KIAA1614: variants seen among roughly 807,000 people sequenced by gnomAD.
KIAA1614 encodes KIAA1614, also known as uncharacterized protein KIAA1614.
A neutral mutation model predicts 88.7 loss-of-function variants in KIAA1614; 76 were observed. The ratio of observed to expected loss-of-function variants is 0.86; its 90% CI spans 0.71 to 1.04. KIAA1614 has a LOEUF of 1.04. Among genes scored for constraint, KIAA1614 ranks in the 50% least tolerant of loss-of-function variants. The pLI, the probability that KIAA1614 is intolerant of heterozygous loss-of-function variation, is 0.00. For synonymous variants in KIAA1614, 714 were observed against 675.5 expected, an observed-to-expected ratio of 1.06 and a Z score of -0.88; for missense variants, 1,553 against 1,582.5, an observed-to-expected ratio of 0.98 and a Z score of 0.32.
At chr1:180,930,475 G>A (rs1284232257) in intron 4 of KIAA1614, among the ~76,000 whole-genome samples, 4 of 152,056 alleles carry the variant, frequency 2.6e-5, no homozygotes, top group Non-Finnish European at 4.4e-5. Flanking sequence ...TCTTCTTCAC[G>A]TATATAAATA....
rs765893092 is a variant in KIAA1614 at position 180,916,530 on chromosome 1, C to T, written c.427C>T (p.Arg143Cys). ...CCTGCCAGGTGCTGTGGTGGCTCCT[C>T]GTACCCAAAACCTGCCTGATGGGCA... is the stretch of plus-strand genomic sequence containing the variant. The part of the protein sequence containing the change: ...SFLPGAVVAP[R>C]TQNLPDGQLD... The change falls in exon 2 of 9, where the codon CGT (arginine) becomes TGT (cysteine). Residue 143 changes from arginine (R) to cysteine (C), a missense_variant. Transcript: ENST00000367588. The T allele has an allele frequency of 4.5e-5, 72 of 1,613,656 alleles. No individual in the cohort carries two copies. The highest frequency in any genetic ancestry group is 1.2e-4 in the South Asian group (11 of 91,082).
chr1:180,945,553 TGGCTGTGGTCAGA>T lies in KIAA1614; in HGVS notation c.3543_3555del (p.Trp1182PhefsTer17). On this transcript the variant is annotated frameshift_variant, in exon 9 of 9. Coordinates refer to ENST00000367588, the MANE Select transcript of KIAA1614 (RefSeq NM_020950.2). LOFTEE classifies it high-confidence loss of function. ...CCTTAGCAAACAAGGCAGGGCCTTC[TGGCTGTGGTCAGA>T]GGCTTTTCTGGTCTTTGGCTGAGCC... The T allele has an allele frequency of 6.2e-7, 1 of 1,613,484 alleles. No homozygotes were observed. Among genetic ancestry groups the T allele is most frequent in the Admixed American group, 1.7e-5 (1 of 59,932 alleles).
intron 6 of KIAA1614, 91 bp downstream of exon 6, chr1:180,938,802 C>T (rs1368961907): frequency 2.8e-5 from 34 of 1,210,384 alleles, no homozygotes; most frequent in Non-Finnish European, 3.4e-5. Flanking sequence ...GGTGGCATGA[C>T]CCACCTCCCT....
At chr1:180,941,006 G>GGCGCCC in intron 6 of KIAA1614, 39 bp from the exon 7 acceptor site, 1 of 908,444 alleles carries the variant, frequency 1.1e-6, no homozygotes, top group Non-Finnish European at 1.5e-6. Flanking sequence ...CACCCTCCCG[G>GGCGCCC]CCCTCCCCCG....
intron 3 of KIAA1614, among the ~76,000 whole-genome samples, chr1:180,922,620 G>C (rs1440288199): frequency 6.6e-6 from 1 of 152,170 alleles, no homozygotes; most frequent in Non-Finnish European, 1.5e-5. Flanking sequence ...GGCTTTTAAA[G>C]CTTAATATGT....
intron 3 of KIAA1614, among the ~76,000 whole-genome samples, chr1:180,922,283 C>T (rs1285469396): frequency 6.6e-6 from 1 of 152,174 alleles, no homozygotes; most frequent in Non-Finnish European, 1.5e-5. Flanking sequence ...ATGAGGGAAG[C>T]GCAGGGAACA....
At position 180,936,219 on chromosome 1, in the gene KIAA1614, C is replaced by T. The variant is rs775832303; in HGVS notation, c.2310C>T (p.His770=). 4.7e-5 allele frequency: 76 copies of T among 1,614,054 alleles called. No individual in the cohort carries two copies. Among genetic ancestry groups the T allele is most frequent in the Non-Finnish European group, 5.8e-5 (69 of 1,180,028 alleles). The change falls in exon 5 of 9, where the codon CAC becomes CAT. Residue 770 remains histidine (H), a synonymous_variant. Coordinates refer to ENST00000367588, the MANE Select transcript of KIAA1614 (RefSeq NM_020950.2). ...GCCAGGCCCAGGTTACAGAAAGCCA[C>T]GAGTCCCTGGAAATTGTCTCTCCTT... ...PGGQAQVTES[H]ESLEIVSPSS...
chr1:180,939,588 T>C (rs1230677763), intron 6 of KIAA1614, among the ~76,000 whole-genome samples: 1 of 152,174 alleles, frequency 6.6e-6, no homozygotes, highest in African/African-American at 2.4e-5. Flanking sequence ...CATGGCTTCT[T>C]TGCTATACAA....
intron 3 of KIAA1614, among the ~76,000 whole-genome samples, chr1:180,923,253 C>CGGAGGTTA (rs1653992563): frequency 2.0e-5 from 3 of 152,042 alleles, no homozygotes; most frequent in Admixed American, 2.0e-4. Context: ...TCTCCCCTGA[C>CGGAGGTTA]GGAGGTTAGG....
In KIAA1614 at chr1:180,936,474, T is replaced by C. The variant is rs1206433971; in HGVS notation, c.2565T>C (p.Cys855=). 1 of 1,613,922 alleles carries C rather than the reference T, an allele frequency of 6.2e-7. No individual in the cohort carries two copies. Among genetic ancestry groups the C allele is most frequent in the East Asian group, 2.2e-5 (1 of 44,874 alleles). Reference sequence around the variant, plus strand: ...CAAGAAGCGCGGTTCTCAGGACCTGTGAGCTGCCCCCATCACAGACCCAGC... The same window carrying C: ...CAAGAAGCGCGGTTCTCAGGACCTGCGAGCTGCCCCCATCACAGACCCAGC... ...PPSRSAVLRT[C]ELPPSQTQPS... The change falls in exon 5 of 9, where the codon TGT becomes TGC. Residue 855 remains cysteine, a synonymous_variant. Transcript: ENST00000367588.
rs368210268 is a variant in KIAA1614, at chr1:180,936,237, C to T, written c.2328C>T (p.Val776=). ...VTESHESLEI[V]SPSSLQQSHA... is the part of the protein sequence containing the mutation. ...AAAGCCACGAGTCCCTGGAAATTGT[C>T]TCTCCTTCCTCCCTGCAACAGAGCC... The change falls in exon 5 of 9, where the codon GTC becomes GTT. Residue 776 remains valine (V), a synonymous_variant. Coordinates refer to ENST00000367588, the MANE Select transcript of KIAA1614 (RefSeq NM_020950.2). 6.2e-7 allele frequency: 1 copy of T among 1,614,198 alleles called. No individual in the cohort carries two copies. The highest frequency in any genetic ancestry group is 1.1e-5 in the South Asian group (1 of 91,088).
chr1:180,922,457 C>CT (rs1653976740), intron 3 of KIAA1614, among the ~76,000 whole-genome samples: 1 of 152,106 alleles, frequency 6.6e-6, no homozygotes, highest in Admixed American at 6.5e-5. Flanking sequence ...GGGTCCCGAT[C>CT]TTCAGGCCCC....
Position 180,916,907 on chromosome 1 carries a change from G to A in KIAA1614, c.804G>A (p.Arg268=). Reference sequence around the variant, plus strand: ...CCTCCGAGGAGGTCTTTGTCCCCAGGACGGCCCTGCTGGGTGAGCGCTGGA... The same window carrying A: ...CCTCCGAGGAGGTCTTTGTCCCCAGAACGGCCCTGCTGGGTGAGCGCTGGA... ...SLTSEEVFVP[R]TALLGERWRA... is the part of the protein sequence containing the mutation. Residue 268 remains arginine, a synonymous_variant, in exon 2 of 9, where the codon AGG becomes AGA. Coordinates refer to ENST00000367588, the MANE Select transcript of KIAA1614 (RefSeq NM_020950.2). 6.2e-7 allele frequency: 1 copy of A among 1,614,250 alleles called. No individual in the cohort carries two copies. Among genetic ancestry groups the A allele is most frequent in the Non-Finnish European group, 8.5e-7 (1 of 1,180,048 alleles).
At chr1:180,926,049 C>T (rs1654061105) in intron 3 of KIAA1614, among the ~76,000 whole-genome samples, 1 of 152,218 alleles carries the variant, frequency 6.6e-6, no homozygotes. Flanking sequence ...TATGCTCCAC[C>T]CTCTGAGCTA....
Position 180,916,568 on chromosome 1 carries a change from C to T in KIAA1614, c.465C>T (p.Ser155=). 1 of 1,610,876 alleles carries T rather than the reference C, an allele frequency of 6.2e-7. No individual in the cohort carries two copies. The highest frequency in any genetic ancestry group is 8.5e-7 in the Non-Finnish European group (1 of 1,178,180). Residue 155 remains serine, a synonymous_variant, in exon 2 of 9, where the codon AGC becomes AGT. Coordinates refer to ENST00000367588, the MANE Select transcript of KIAA1614 (RefSeq NM_020950.2). The part of the protein sequence containing the change: ...QNLPDGQLDG[S]INEEQPARDG... Reference sequence around the variant, plus strand: ...TGCCTGATGGGCAGCTGGACGGCAGCATCAATGAGGAGCAACCCGCCAGGG... The same window carrying T: ...TGCCTGATGGGCAGCTGGACGGCAGTATCAATGAGGAGCAACCCGCCAGGG...
At chr1:180,923,996 C>T (rs572459836) in intron 3 of KIAA1614, among the ~76,000 whole-genome samples, 2 of 152,046 alleles carry the variant, frequency 1.3e-5, no homozygotes, top group Non-Finnish European at 2.9e-5. Flanking sequence ...TAAATGTAAC[C>T]ACTCAACAGT....
Position 180,938,151 on chromosome 1 carries a change from G to C in KIAA1614, c.2762-404G>C, listed in dbSNP as rs181438440. 8.4e-4 allele frequency among the ~76,000 whole-genome samples: 128 copies of C among 152,348 alleles called. 1 individual carries two copies. The highest frequency in any genetic ancestry group is 2.9e-3 in the African/African-American group (119 of 41,582). On this transcript the variant is annotated intron_variant, in intron 5 of 8. Coordinates refer to ENST00000367588, the MANE Select transcript of KIAA1614 (RefSeq NM_020950.2). ...GAAATCACAACTGACAAGATTGTGGGTTTTGTCCCAGGAATACAAAATTTT... is the reference window on the plus strand; with the variant it reads ...GAAATCACAACTGACAAGATTGTGGCTTTTGTCCCAGGAATACAAAATTTT...
chr1:180,922,061 C>T (rs1653964405), intron 3 of KIAA1614, among the ~76,000 whole-genome samples: 2 of 152,236 alleles, frequency 1.3e-5, no homozygotes, highest in African/African-American at 4.8e-5. Context: ...GGAGCCCGCG[C>T]CAGGGCGGCC....
intron 7 of KIAA1614, 61 bp downstream of exon 7, chr1:180,941,346 T>C: frequency 2.6e-6 from 4 of 1,540,374 alleles, no homozygotes; most frequent in Non-Finnish European, 3.5e-6. Flanking sequence ...ACCATCAGAA[T>C]GAAAAGTGAA....
Sources: gnomAD v4.1 joint callset for allele counts (sites outside exome capture counted in the v4.1 genomes callset) on GRCh38, gnomAD v4.1.1 for gene constraint, MANE v1.5 for transcripts, NCBI Gene and HGNC (gene_info 2026-07-23, HGNC 2026-07-21) for gene names.